The following TOP1MT variants were observed in gnomAD, a reference collection of about 807,000 sequenced individuals.
The protein encoded by TOP1MT is DNA topoisomerase I mitochondrial.
Under a neutral mutation model 73.9 loss-of-function variants are expected in TOP1MT, and 80 were observed. The observed-to-expected ratio is 1.08, with a 90% CI of 0.90 to 1.30. The LOEUF is 1.30. Among genes scored for constraint, TOP1MT ranks in the 50% most tolerant of loss-of-function variants. TOP1MT has a pLI of 0.00. For synonymous variants in TOP1MT, 338 were observed against 326.4 expected (o/e 1.04, Z -0.38); for missense variants, 815 against 808.0 (o/e 1.01, Z -0.10).
intron 1 of TOP1MT, chr8:143,333,849 C>T (rs1303671834): frequency 6.6e-6 from 1 of 152,424 alleles, no homozygotes; most frequent in Non-Finnish European, 1.5e-5. Flanking sequence ...ACAGCCAGCC[C>T]CAGCTCCAAG....
intron 1 of TOP1MT, among the ~76,000 whole-genome samples, chr8:143,333,600 G>C (rs1046363754): frequency 1.3e-5 from 2 of 152,260 alleles, no homozygotes; most frequent in African/African-American, 2.4e-5. Context: ...GCCAGGCAGG[G>C]CTGCACCACT....
intron 4 of TOP1MT, among the ~76,000 whole-genome samples, chr8:143,325,974 C>T (rs1345748638): frequency 1.3e-5 from 2 of 152,238 alleles, no homozygotes; most frequent in South Asian, 2.1e-4. Flanking sequence ...GCCCACGGCC[C>T]GTCTGGGAAC....
Position 143,341,840 on chromosome 8 carries a change from TTCCTCC to T in TOP1MT, c.29+1374_29+1379del, listed in dbSNP as rs139344345. Among the ~76,000 whole-genome samples the T allele has an allele frequency of 2.0e-5, 3 of 150,146 alleles. No individual in the cohort carries two copies. The highest frequency in any genetic ancestry group is 6.6e-5 in the Admixed American group (1 of 15,202). ...TCCTTCTTCCTTCTTCTTCCTCTTC[TTCCTCC>T]TCCTCCTCCTTCCTCTTTCTCCTCC... is the stretch of plus-strand genomic sequence containing the variant. On this transcript the variant is annotated intron_variant, in intron 2 of 5. Transcript: ENST00000518007. This position sits in a 1 kb window ranked among gnomAD's most constrained non-coding sequence, Gnocchi z 4.1.
At chr8:143,329,238 A>G (rs1206693409) in intron 3 of TOP1MT, 112 bp downstream of exon 3, 25 of 1,232,846 alleles carry the variant, frequency 2.0e-5, no homozygotes, top group Non-Finnish European at 1.1e-6. Flanking sequence ...GTGAGTGGTC[A>G]CACAGGGGCC....
At position 143,341,406 on chromosome 8, in the gene TOP1MT, T is replaced by C. The variant is rs755424393; in HGVS notation, c.29+1814A>G. On this transcript the variant is annotated intron_variant, in intron 2 of 5. Transcript: ENST00000518007. This position sits in a 1 kb window ranked among gnomAD's most constrained non-coding sequence, Gnocchi z 4.1. ...ACATCCACCAAGGGCCATCTTCATC[T>C]TGTCTGCAGGAACCTCCGTGTGGCC... Among the ~76,000 whole-genome samples, 2 of 152,084 alleles carry C rather than the reference T, an allele frequency of 1.3e-5. No individual in the cohort carries two copies. The highest frequency in any genetic ancestry group is 2.9e-5 in the Non-Finnish European group (2 of 68,008).
rs368352504 is a variant in TOP1MT, at chr8:143,323,871, AC to A, written c.960+127del. On this transcript the variant is annotated intron_variant, in intron 7 of 13. Transcript: ENST00000329245. ...CCCACACACGTGTGCACATGCACAC[AC>A]CCCCCCCATCAGAATGAGGTTCCAC... The A allele has an allele frequency of 6.4e-4, 651 of 1,017,636 alleles. 1 individual carries two copies. The highest frequency in any genetic ancestry group is 4.5e-3 in the African/African-American group (283 of 62,366). The allele number at this position is 1,017,636 out of a possible 1,614,324, so 63.0% of individuals were successfully genotyped here.
At chr8:143,340,622 C>G (rs1817061055) in intron 2 of TOP1MT, among the ~76,000 whole-genome samples, 1 of 152,200 alleles carries the variant, frequency 6.6e-6, no homozygotes, top group African/African-American at 2.4e-5. Flanking sequence ...ACCCTTTGCC[C>G]CAGGGCAATG....
intron 12 of TOP1MT, among the ~76,000 whole-genome samples, chr8:143,311,647 G>A (rs978731446): frequency 1.6e-4 from 24 of 152,022 alleles, no homozygotes; most frequent in African/African-American, 5.8e-4. Context: ...TCAGGAGGCT[G>A]AGGCAGGAAA....
intron 1 of TOP1MT, among the ~76,000 whole-genome samples, chr8:143,350,893 G>T (rs111669713): frequency 2.2e-3 from 328 of 152,042 alleles, no homozygotes; most frequent in Middle Eastern, 0.01. Flanking sequence ...GACTGTCCTC[G>T]ACCACACTTG....
chr8:143,319,086 C>T (rs1326497327), intron 8 of TOP1MT, among the ~76,000 whole-genome samples: 1 of 152,112 alleles, frequency 6.6e-6, no homozygotes, highest in Non-Finnish European at 1.5e-5. Flanking sequence ...TGAGCACCTC[C>T]TTGCCTCTTC....
rs1330077572 is a variant in TOP1MT, at chr8:143,326,437, G to A, written c.361-93C>T. 58 of 1,551,932 alleles carry A rather than the reference G, an allele frequency of 3.7e-5. No individual in the cohort carries two copies. In the Admixed American group the frequency reaches 5.1e-4, roughly 14 times the overall value. On this transcript the variant is annotated intron_variant, in intron 3 of 13. Coordinates refer to ENST00000329245, the MANE Select transcript of TOP1MT (RefSeq NM_052963.3). ...GTCTGACGGACAGAAACGCGCTCTC[G>A]CCATGTCCGACGGAGGCGTGTGTGC...
At chr8:143,330,410 G>A (rs140862003) in intron 2 of TOP1MT, among the ~76,000 whole-genome samples, 33 of 152,352 alleles carry the variant, frequency 2.2e-4, no homozygotes, top group Middle Eastern at 3.4e-3. Flanking sequence ...ATGGCCTCCC[G>A]TGGGCAGCCC....
intron 1 of TOP1MT, among the ~76,000 whole-genome samples, chr8:143,351,399 C>G (rs561587758): frequency 1.6e-4 from 24 of 151,906 alleles, no homozygotes; most frequent in Admixed American, 1.4e-3. Context: ...ATGGCGAAAC[C>G]CTGTCTCTAC....
At chr8:143,356,449 A>G (rs1163919135), upstream of TOP1MT, among the ~76,000 whole-genome samples, 1 of 152,248 alleles carries the variant, frequency 6.6e-6, no homozygotes, top group Non-Finnish European at 1.5e-5. Context: ...AAATTTATCT[A>G]AGTAAATGAT....
intron 7 of TOP1MT, among the ~76,000 whole-genome samples, chr8:143,322,826 CCA>C (rs1175513843): frequency 2.5e-5 from 1 of 40,146 alleles, no homozygotes; most frequent in Non-Finnish European, 5.5e-5. Flanking sequence ...CACAGGCACG[CCA>C]CACACGCACA....
chr8:143,329,216 A>G (rs1447777821), intron 3 of TOP1MT, 134 bp downstream of exon 3: 2 of 1,010,196 alleles, frequency 2.0e-6, no homozygotes, highest in Non-Finnish European at 2.8e-6. Context: ...GCAAAGAGCC[A>G]TGACGGCACC....
intron 8 of TOP1MT, among the ~76,000 whole-genome samples, chr8:143,320,316 G>C (rs1463367308): frequency 1.3e-5 from 2 of 152,038 alleles, no homozygotes; most frequent in Non-Finnish European, 2.9e-5. Flanking sequence ...ATTTTTAGTA[G>C]AGACGGGGTT....
chr8:143,323,200 ACACAGGCACGC>A (rs1816572922), intron 7 of TOP1MT, among the ~76,000 whole-genome samples: 1 of 121,240 alleles, frequency 8.2e-6, no homozygotes, highest in Non-Finnish European at 1.7e-5. Context: ...CGCATGCCAC[ACACAGGCACGC>A]CACACAGGCA....
chr8:143,359,505 GC>G, upstream of TOP1MT: 1 of 888,584 alleles, frequency 1.1e-6, no homozygotes, highest in Non-Finnish European at 1.3e-6. Context: ...CAGGGCCCAA[GC>G]AGAAAGTCAG....
Sources: gnomAD v4.1 joint callset for allele counts (sites outside exome capture counted in the v4.1 genomes callset) on GRCh38, gnomAD v4.1.1 for gene constraint, Gnocchi (gnomAD v3.1) non-coding constraint, MANE v1.5 for transcripts, NCBI Gene and HGNC (gene_info 2026-07-23, HGNC 2026-07-21) for gene names.